Variants in SETD2 observed in about 807,000 individuals in gnomAD.
SETD2 encodes SET domain containing 2, histone lysine methyltransferase.
A neutral mutation model predicts 242.1 loss-of-function variants in SETD2; 31 were observed. That is an observed-to-expected ratio of 0.13 (90% CI 0.10 to 0.17). SETD2 has a LOEUF of 0.17. Among genes scored for constraint, SETD2 ranks in the 10% least tolerant of loss-of-function variants. The pLI is 1.00. For synonymous variants in SETD2, 1,006 were observed against 1,066.5 expected (o/e 0.94, Z 1.11); for missense variants, 2,481 against 3,046.3 (o/e 0.81, Z 4.37).
Position 47,124,348 on chromosome 3 carries a change from CTTT to C in SETD2, c.285_287del (p.Lys96del), listed in dbSNP as rs1339536204. On this transcript the variant is annotated inframe_deletion, in exon 3 of 21. Coordinates refer to ENST00000409792, the MANE Select transcript of SETD2 (RefSeq NM_014159.7). ...CTGGAGGGTTTGGAGTATCACTTTG[CTTT>C]TCATTGCCAAGTGCAGTGAGAAACC... 1.9e-6 allele frequency: 3 copies of C among 1,551,646 alleles called. No individual in the cohort carries two copies. The highest frequency in any genetic ancestry group is 2.7e-5 in the African/African-American group (2 of 73,026).
intron 15 of SETD2, among the ~76,000 whole-genome samples, chr3:47,056,092 ATTTTTATT>A (rs200970326): frequency 0.033 from 3,744 of 112,980 alleles, 205 homozygotes; most frequent in East Asian, 0.15. Context: ...AGAAAACATG[ATTTTTATT>A]TATTTATTTA....
rs2043137598 is a variant in SETD2, at chr3:47,122,449, T to C, written c.2187A>G (p.Glu729=). The C allele has an allele frequency of 3.7e-6, 6 of 1,614,186 alleles. No homozygotes were observed. The highest frequency in any genetic ancestry group is 5.1e-6 in the Non-Finnish European group (6 of 1,180,022). Residue 729 remains glutamate (E), a synonymous_variant, in exon 3 of 21, where the codon GAA becomes GAG. Transcript: ENST00000409792. Reference sequence around the variant, plus strand: ...GCATGCAGGTATCATCCAAGTCTTTTTCTTTGCACCTACTAATATTCTGAA... The same window carrying C: ...GCATGCAGGTATCATCCAAGTCTTTCTCTTTGCACCTACTAATATTCTGAA... ...NGFQNISRCK[E]KDLDDTCMLH... is the part of the protein sequence containing the mutation.
At chr3:47,093,142 T>A (rs1203006289) in intron 9 of SETD2, among the ~76,000 whole-genome samples, 1 of 152,134 alleles carries the variant, frequency 6.6e-6, no homozygotes, top group Non-Finnish European at 1.5e-5. Context: ...TAAAATTTTG[T>A]CTATCTTTAT....
At chr3:47,131,472 T>C (rs1261755349) in intron 1 of SETD2, among the ~76,000 whole-genome samples, 1 of 151,620 alleles carries the variant, frequency 6.6e-6, no homozygotes, top group Non-Finnish European at 1.5e-5. Context: ...GCCTCCCGAG[T>C]AGCTGGGACT....
At chr3:47,131,795 T>A (rs1040494448) in intron 1 of SETD2, among the ~76,000 whole-genome samples, 2 of 151,746 alleles carry the variant, frequency 1.3e-5, no homozygotes, top group Non-Finnish European at 1.5e-5. Context: ...ACTTATTTTT[T>A]GAGACAGAGT....
chr3:47,068,377 A>C (rs909600102), intron 12 of SETD2, among the ~76,000 whole-genome samples: 14 of 152,174 alleles, frequency 9.2e-5, no homozygotes, highest in Non-Finnish European at 7.3e-5. Context: ...TAAATGAAAA[A>C]TTTTTTTAAA....
intron 18 of SETD2, among the ~76,000 whole-genome samples, chr3:47,029,798 T>C (rs941666257): frequency 2.0e-5 from 3 of 152,220 alleles, no homozygotes; most frequent in Non-Finnish European, 2.9e-5. Context: ...AGTTTTTCAG[T>C]TAAACATATT....
At chr3:47,032,640 G>A (rs951303118) in intron 18 of SETD2, among the ~76,000 whole-genome samples, 41 of 151,942 alleles carry the variant, frequency 2.7e-4, no homozygotes, top group African/African-American at 1.2e-4. Flanking sequence ...AGCTGGGCAC[G>A]GTGGCTCACA....
At chr3:47,018,927 T>C (rs1378112106) in intron 19 of SETD2, among the ~76,000 whole-genome samples, 2 of 152,250 alleles carry the variant, frequency 1.3e-5, no homozygotes, top group Non-Finnish European at 2.9e-5. Flanking sequence ...GGCCAATTCC[T>C]ACCCCTGATT....
chr3:47,105,568 T>A (rs2042378854), intron 6 of SETD2: 1 of 297,908 alleles, frequency 3.4e-6, no homozygotes, highest in African/African-American at 2.3e-5. Flanking sequence ...CTTCCACGCT[T>A]TTTGAAAACA....
rs2106688164 is a variant in SETD2 at position 47,122,815 on chromosome 3, A to G, written c.1821T>C (p.Pro607=). ...CTGGAGACCCAGCCTTTTCTCTTTC[A>G]GGATTTTTATTAATCATTCTTAATT... ...GSELRMINKN[P]EREKAGSPAP... is the part of the protein sequence containing the mutation. Residue 607 remains proline, a synonymous_variant, in exon 3 of 21, where the codon CCT becomes CCC. Coordinates refer to ENST00000409792, the MANE Select transcript of SETD2 (RefSeq NM_014159.7). The G allele has an allele frequency of 6.2e-7, 1 of 1,613,504 alleles. No individual in the cohort carries two copies. Among genetic ancestry groups the G allele is most frequent in the Middle Eastern group, 1.7e-4 (1 of 6,054 alleles).
intron 1 of SETD2, among the ~76,000 whole-genome samples, chr3:47,157,312 C>T (rs2044147905): frequency 6.6e-6 from 1 of 152,112 alleles, no homozygotes; most frequent in South Asian, 2.1e-4. Flanking sequence ...GTCCTAGATA[C>T]ATGGGACAAT....
At chr3:47,033,423 G>C (rs1032826486) in intron 18 of SETD2, among the ~76,000 whole-genome samples, 2 of 152,198 alleles carry the variant, frequency 1.3e-5, no homozygotes, top group Non-Finnish European at 2.9e-5. Context: ...ACATGGTGCA[G>C]GACTGCCAGT....
intron 8 of SETD2, chr3:47,098,573 A>G (rs1473093779): frequency 6.6e-6 from 1 of 152,536 alleles, no homozygotes; most frequent in Non-Finnish European, 1.5e-5. Flanking sequence ...TAATGTCAGC[A>G]CTTTGGGAGG....
intron 12 of SETD2, among the ~76,000 whole-genome samples, chr3:47,077,709 C>A (rs558731723): frequency 6.6e-6 from 1 of 152,096 alleles, no homozygotes; most frequent in Non-Finnish European, 1.5e-5. Flanking sequence ...CATTTCCCAA[C>A]GCGAGGAACA....
In SETD2 at chr3:47,122,002, AC is replaced by A. The variant is rs2106666459; in HGVS notation, c.2633del (p.Gly878ValfsTer13). On this transcript the variant is annotated frameshift_variant, in exon 3 of 21. Coordinates refer to ENST00000409792, the MANE Select transcript of SETD2 (RefSeq NM_014159.7). LOFTEE classifies it high-confidence loss of function. ...GAAGACTCTGAAGAGATGAAGCAAT[AC>A]CTGAACTCCCAATAGGTTGATATAA... is the stretch of plus-strand genomic sequence containing the variant. ...DDLYQPIGSSGIASSLQSLPP... is the reference protein window; with the variant it reads ...DDLYQPIGSSXIASSLQSLPP... 6.2e-7 allele frequency: 1 copy of A among 1,613,968 alleles called. No homozygotes were observed. The highest frequency in any genetic ancestry group is 8.5e-7 in the Non-Finnish European group (1 of 1,179,968).
chr3:47,071,194 G>T (rs1376278959), intron 12 of SETD2, among the ~76,000 whole-genome samples: 1 of 152,202 alleles, frequency 6.6e-6, no homozygotes, highest in Non-Finnish European at 1.5e-5. Flanking sequence ...AGACCTAAAA[G>T]AATCTGCTTC....
intron 1 of SETD2, among the ~76,000 whole-genome samples, chr3:47,143,181 G>C (rs1343617758): frequency 2.0e-5 from 3 of 152,054 alleles, no homozygotes; most frequent in Admixed American, 6.6e-5. Context: ...GTAGTCCCAG[G>C]TACTCAGCAG....
chr3:47,146,854 C>G lies in SETD2; in HGVS notation c.71+17000G>C, dbSNP rs116738342. Among the ~76,000 whole-genome samples, 711 of 151,558 alleles carry G rather than the reference C, an allele frequency of 4.7e-3. 9 individuals are homozygous for G. Among genetic ancestry groups the G allele is most frequent in the African/African-American group, 0.017 (690 of 41,314 alleles). On this transcript the variant is annotated intron_variant, in intron 1 of 20. Transcript: ENST00000409792. ...TTGGGAGGCTGAGACAGGAGAATCA[C>G]TTGAGAGTCCAGGAAGTCAAAACTG...
Sources: allele counts gnomAD v4.1 joint callset (sites outside exome capture counted in the v4.1 genomes callset), GRCh38; gene constraint gnomAD v4.1.1; transcripts MANE v1.5; gene names NCBI Gene and HGNC (gene_info 2026-07-23, HGNC 2026-07-21).